The following ALK variants were observed in gnomAD, a reference collection of about 807,000 sequenced individuals.
ALK encodes ALK tyrosine kinase receptor.
Under a neutral mutation model 163.1 loss-of-function variants are expected in ALK, and 74 were observed. That is an observed-to-expected ratio of 0.45 (90% CI 0.38 to 0.55). The LOEUF (loss-of-function observed/expected upper bound fraction) is 0.55, where lower values mean the gene tolerates loss of function less well. Ranked by LOEUF, ALK falls within the 20% of genes least tolerant of loss-of-function variation. The pLI is 0.00. For synonymous variants in ALK, 960 were observed against 843.2 expected (o/e 1.14, Z -2.40); for missense variants, 2,063 against 2,105.3 (o/e 0.98, Z 0.39).
intron 3 of ALK, among the ~76,000 whole-genome samples, chr2:29,619,157 C>T (rs1573503762): frequency 6.6e-6 from 1 of 152,034 alleles, no homozygotes; most frequent in Non-Finnish European, 1.5e-5. Context: ...TGCAATAGTA[C>T]CAAGTAACTG....
At chr2:29,523,642 C>G (rs1672872507) in intron 4 of ALK, among the ~76,000 whole-genome samples, 1 of 152,126 alleles carries the variant, frequency 6.6e-6, no homozygotes, top group African/African-American at 2.4e-5. Context: ...TTTGACTTCT[C>G]TTTGTATACA....
chr2:29,242,288 C>CTTCA (rs1329372633), intron 12 of ALK, among the ~76,000 whole-genome samples: 1 of 152,186 alleles, frequency 6.6e-6, no homozygotes, highest in Non-Finnish European at 1.5e-5. Flanking sequence ...GCTTGGAAAA[C>CTTCA]TTCAGCCCAG....
chr2:29,882,341 T>A (rs938449200), intron 1 of ALK, among the ~76,000 whole-genome samples: 3 of 152,202 alleles, frequency 2.0e-5, no homozygotes, highest in Non-Finnish European at 4.4e-5. Flanking sequence ...AAGCAAAACA[T>A]AATGTCTCAA....
At chr2:29,223,841 G>A (rs2148172055) in intron 19 of ALK, 1 of 431,734 alleles carries the variant, frequency 2.3e-6, no homozygotes, top group Non-Finnish European at 4.2e-6. Context: ...AATATGGTCT[G>A]CAGATTTTAT....
At chr2:29,625,132 C>T (rs1676155941) in intron 3 of ALK, among the ~76,000 whole-genome samples, 2 of 152,194 alleles carry the variant, frequency 1.3e-5, no homozygotes, top group Admixed American at 6.5e-5. Context: ...GGAAGAGCAT[C>T]TGTAGCTATC....
At chr2:29,662,844 C>T (rs1558431160) in intron 3 of ALK, among the ~76,000 whole-genome samples, 1 of 152,124 alleles carries the variant, frequency 6.6e-6, no homozygotes. Flanking sequence ...ATGTTTAACC[C>T]TTGCTACATG....
chr2:29,719,171 G>T (rs147454008), intron 1 of ALK, among the ~76,000 whole-genome samples: 1 of 152,148 alleles, frequency 6.6e-6, no homozygotes, highest in Non-Finnish European at 1.5e-5. Flanking sequence ...GGCATTCCAC[G>T]GTCTCCTTCC....
chr2:29,247,128 C>T (rs1004985517), intron 12 of ALK, among the ~76,000 whole-genome samples: 6 of 152,126 alleles, frequency 3.9e-5, no homozygotes, highest in African/African-American at 7.2e-5. Flanking sequence ...CCCCGGCCTC[C>T]GCGGCAGCGC....
rs1258213662 is a variant in ALK at position 29,400,966 on chromosome 2, ACT to A, written c.1155-17109_1155-17108del. Among the ~76,000 whole-genome samples, 30 of 149,352 alleles carry A rather than the reference ACT, an allele frequency of 2.0e-4. No homozygotes were observed. The South Asian group carries it at 6.1e-3, about 31-fold the overall frequency. ...CTCCAGCCTGGGCAAACAGAGTGAG[ACT>A]CTGTCTCAAAAAAAAAAAAAGCAGA... On this transcript the variant is annotated intron_variant, in intron 4 of 28. Coordinates refer to ENST00000389048, the MANE Select transcript of ALK (RefSeq NM_004304.5).
intron 19 of ALK, 159 bp from the exon 20 acceptor site, chr2:29,223,687 A>T (rs1302351712): frequency 1.5e-6 from 1 of 662,066 alleles, no homozygotes; most frequent in Non-Finnish European, 2.6e-6. Context: ...TGATTAAAGA[A>T]GGTGTGTCTT....
intron 3 of ALK, among the ~76,000 whole-genome samples, chr2:29,537,657 G>A (rs1673297275): frequency 6.6e-6 from 1 of 152,218 alleles, no homozygotes. Flanking sequence ...TGGAGCTGTG[G>A]GAAGGGGGCT....
At chr2:29,655,114 G>C (rs997619002) in intron 3 of ALK, among the ~76,000 whole-genome samples, 4 of 152,098 alleles carry the variant, frequency 2.6e-5, no homozygotes, top group Non-Finnish European at 5.9e-5. Context: ...TAATAGGAAA[G>C]TGCAAAAACA....
intron 1 of ALK, among the ~76,000 whole-genome samples, chr2:29,784,894 A>T (rs1663966182): frequency 6.6e-6 from 1 of 152,058 alleles, no homozygotes; most frequent in African/African-American, 2.4e-5. Context: ...GCTTTAGTTT[A>T]TAAAGCATGG....
intron 1 of ALK, among the ~76,000 whole-genome samples, chr2:29,787,720 G>A (rs1473326676): frequency 6.6e-6 from 1 of 152,218 alleles, no homozygotes; most frequent in African/African-American, 2.4e-5. Context: ...TAAGACAGTA[G>A]GGTGGGTTAA....
chr2:29,501,238 C>A (rs1672166047), intron 4 of ALK, among the ~76,000 whole-genome samples: 1 of 152,176 alleles, frequency 6.6e-6, no homozygotes, highest in Non-Finnish European at 1.5e-5. Flanking sequence ...CACCATCATT[C>A]CCCTTCCTTC....
intron 10 of ALK, 67 bp downstream of exon 10, chr2:29,275,335 G>T (rs944193147): frequency 1.7e-5 from 28 of 1,608,502 alleles, no homozygotes; most frequent in Non-Finnish European, 2.2e-5. Context: ...TTAGGCTGAG[G>T]AGGGGACAAT....
chr2:29,739,870 T>C (rs1047174636), intron 1 of ALK, among the ~76,000 whole-genome samples: 1 of 152,088 alleles, frequency 6.6e-6, no homozygotes, highest in Non-Finnish European at 1.5e-5. Context: ...CTATAGCCAG[T>C]GATACATACC....
At chr2:29,409,643 G>A (rs1000732777) in intron 4 of ALK, among the ~76,000 whole-genome samples, 1 of 152,126 alleles carries the variant, frequency 6.6e-6, no homozygotes, top group African/African-American at 2.4e-5. Context: ...GATCACCACT[G>A]GCTGAGCCAG....
intron 1 of ALK, among the ~76,000 whole-genome samples, chr2:29,749,477 A>C (rs916214772): frequency 6.6e-6 from 1 of 152,178 alleles, no homozygotes; most frequent in Non-Finnish European, 1.5e-5. Context: ...TGAATAGATA[A>C]TAGTTTTAAA....
Sources: gnomAD v4.1 joint callset for allele counts (sites outside exome capture counted in the v4.1 genomes callset) on GRCh38, gnomAD v4.1.1 for gene constraint, MANE v1.5 for transcripts, NCBI Gene and HGNC (gene_info 2026-07-23, HGNC 2026-07-21) for gene names.